The following JAM3 variants were observed in gnomAD, a reference collection of about 807,000 sequenced individuals.
JAM3 encodes the protein junctional adhesion molecule C.
JAM3 carries 31 observed loss-of-function variants against 39.4 expected under a neutral mutation model. The observed-to-expected ratio is 0.79, with a 90% CI of 0.59 to 1.06. JAM3 has a LOEUF of 1.06. JAM3 is among the 50% of genes least tolerant of loss of function. JAM3 has a pLI of 0.00. For missense variants in JAM3, 455 were observed against 391.4 expected (o/e 1.16, Z -1.37); for synonymous variants, 182 against 148.7 (o/e 1.22, Z -1.63).
At chr11:134,116,782 A>G (rs530235793) in intron 1 of JAM3, among the ~76,000 whole-genome samples, 1 of 152,192 alleles carries the variant, frequency 6.6e-6, no homozygotes, top group Admixed American at 6.5e-5. Context: ...ATTTATATCC[A>G]CGTATACACA....
At chr11:134,144,676 G>C in intron 4 of JAM3, 116 bp from the exon 5 acceptor site, 3 of 967,680 alleles carry the variant, frequency 3.1e-6, no homozygotes, top group Non-Finnish European at 5.0e-6. Context: ...GGGAACAGCA[G>C]TGGCGTGGGA....
intron 1 of JAM3, among the ~76,000 whole-genome samples, chr11:134,133,497 C>A (rs116671033): frequency 0.01 from 1,552 of 152,208 alleles, 22 homozygotes; most frequent in African/African-American, 0.035. Flanking sequence ...GTGTTTTTAT[C>A]TTGAAAGGAT....
At chr11:134,107,349 G>T (rs564920731) in intron 1 of JAM3, among the ~76,000 whole-genome samples, 2 of 152,198 alleles carry the variant, frequency 1.3e-5, no homozygotes, top group African/African-American at 4.8e-5. Context: ...GGGAGAGGGG[G>T]GAGGGATAGC....
In JAM3 at chr11:134,147,517, C is replaced by T. The variant is rs138616562; in HGVS notation, c.713-1030C>T. Among the ~76,000 whole-genome samples the T allele has an allele frequency of 9.7e-3, 1,449 of 148,902 alleles. 19 individuals are homozygous for T. Among genetic ancestry groups the T allele is most frequent in the African/African-American group, 0.034 (1,353 of 40,202 alleles). On this transcript the variant is annotated intron_variant, in intron 6 of 8. Transcript: ENST00000299106. ...ACTTTTTGTTTTTGAGATGGAGTCT[C>T]GCTCTGTCACCCAGGCTGGAGTGCA...
At chr11:134,106,988 A>G (rs1942204094) in intron 1 of JAM3, among the ~76,000 whole-genome samples, 1 of 152,156 alleles carries the variant, frequency 6.6e-6, no homozygotes, top group Non-Finnish European at 1.5e-5. Flanking sequence ...CTGGGTATAT[A>G]CCCAAAGGAT....
intron 1 of JAM3, among the ~76,000 whole-genome samples, chr11:134,105,011 C>G (rs1243178957): frequency 2.6e-5 from 4 of 152,122 alleles, no homozygotes; most frequent in African/African-American, 9.7e-5. Context: ...TTTTATGAGG[C>G]CAGGATCATC....
intron 1 of JAM3, among the ~76,000 whole-genome samples, chr11:134,126,074 G>A (rs1001478661): frequency 6.6e-6 from 1 of 152,124 alleles, no homozygotes; most frequent in Admixed American, 6.6e-5. Context: ...TTCGTGTTCT[G>A]TATAGCTGGT....
intron 1 of JAM3, among the ~76,000 whole-genome samples, chr11:134,136,212 C>T (rs954537505): frequency 3.4e-4 from 52 of 152,190 alleles, no homozygotes; most frequent in Non-Finnish European, 4.1e-4. Context: ...CCAAAAAACC[C>T]TTTCCTCACT....
chr11:134,079,496 G>C (rs903246689), intron 1 of JAM3, among the ~76,000 whole-genome samples: 1 of 152,080 alleles, frequency 6.6e-6, no homozygotes, highest in Admixed American at 6.5e-5. Flanking sequence ...TCTCTGGAAG[G>C]CTCCGTTGTT....
intron 1 of JAM3, among the ~76,000 whole-genome samples, chr11:134,096,645 A>C (rs1178189803): frequency 6.6e-6 from 1 of 152,206 alleles, no homozygotes; most frequent in Non-Finnish European, 1.5e-5. Flanking sequence ...ATTATCTAAA[A>C]GCTAGTTCTG....
At chr11:134,081,870 G>A (rs780786756) in intron 1 of JAM3, among the ~76,000 whole-genome samples, 33 of 152,326 alleles carry the variant, frequency 2.2e-4, no homozygotes, top group East Asian at 3.9e-4. Flanking sequence ...TGAGAGCAGC[G>A]GGGAGCAAGG....
Position 134,111,133 on chromosome 11 carries a change from C to CTTTTTTTT in JAM3, c.77-28697_77-28690dup, listed in dbSNP as rs71038561. ...TGTACCATACCCAACACACATCCAT[C>CTTTTTTTT]TTTTTTTTTTTTTTTTTTTTTTTTT... On this transcript the variant is annotated intron_variant, in intron 1 of 8. Coordinates refer to ENST00000299106, the MANE Select transcript of JAM3 (RefSeq NM_032801.5). Among the ~76,000 whole-genome samples the CTTTTTTTT allele has an allele frequency of 3.9e-4, 34 of 86,776 alleles. 7 individuals carry two copies. Among genetic ancestry groups the CTTTTTTTT allele is most frequent in the African/African-American group, 1.7e-3 (30 of 18,144 alleles). The allele number at this position is 86,776 out of a possible 152,430, so 56.9% of individuals were successfully genotyped here. A position where few individuals can be genotyped will look rare whatever the true frequency, so the allele number is the denominator to read the frequency against.
intron 1 of JAM3, among the ~76,000 whole-genome samples, chr11:134,106,577 T>G (rs1302120543): frequency 6.6e-6 from 1 of 152,008 alleles, no homozygotes; most frequent in Non-Finnish European, 1.5e-5. Context: ...GGGAGAAAAT[T>G]TTTGCAATCA....
chr11:134,126,177 A>C (rs901287606), intron 1 of JAM3, among the ~76,000 whole-genome samples: 4 of 152,218 alleles, frequency 2.6e-5, no homozygotes, highest in Non-Finnish European at 1.5e-5. Flanking sequence ...TAAAGGTAGA[A>C]TGCTAGTAAT....
intron 1 of JAM3, among the ~76,000 whole-genome samples, chr11:134,112,363 C>A (rs1489437872): frequency 6.6e-6 from 1 of 152,160 alleles, no homozygotes; most frequent in African/African-American, 2.4e-5. Context: ...GCTGGGATTA[C>A]AGGCGTGAGA....
intron 1 of JAM3, among the ~76,000 whole-genome samples, chr11:134,118,091 T>C (rs1942470698): frequency 6.6e-6 from 1 of 152,204 alleles, no homozygotes; most frequent in South Asian, 2.1e-4. Context: ...GCCAAGGTCT[T>C]ATGCTCAGGG....
chr11:134,071,627 T>G (rs959718580), intron 1 of JAM3, among the ~76,000 whole-genome samples: 1 of 152,258 alleles, frequency 6.6e-6, no homozygotes. Context: ...GCAACAGTTT[T>G]CATTCTTCAG....
intron 1 of JAM3, among the ~76,000 whole-genome samples, chr11:134,079,002 G>A (rs1240962253): frequency 6.6e-6 from 1 of 151,732 alleles, no homozygotes; most frequent in Admixed American, 6.6e-5. Context: ...TCACGCCATT[G>A]TACTCCAGCC....
intron 1 of JAM3, among the ~76,000 whole-genome samples, chr11:134,114,055 G>A (rs890102798): frequency 6.6e-6 from 1 of 151,962 alleles, no homozygotes; most frequent in African/African-American, 2.4e-5. Context: ...TTTTTTTCTT[G>A]TAAATTTGTT....
Sources: allele counts gnomAD v4.1 joint callset (sites outside exome capture counted in the v4.1 genomes callset), GRCh38; gene constraint gnomAD v4.1.1; transcripts MANE v1.5; gene names NCBI Gene and HGNC (gene_info 2026-07-23, HGNC 2026-07-21).